ZNF595: variants seen among roughly 807,000 people sequenced by gnomAD.
The protein encoded by ZNF595 is zinc finger protein 595.
In ZNF595, 9 loss-of-function variants were observed where a neutral mutation model predicts 19.4. That is an observed-to-expected ratio of 0.46 (90% confidence interval 0.28 to 0.81). The LOEUF is 0.81. Ranked by LOEUF, ZNF595 falls within the 30% of genes least tolerant of loss-of-function variation. The pLI is 0.11. For missense variants in ZNF595, 729 were observed against 736.0 expected (o/e 0.99, Z 0.11); for synonymous variants, 255 against 255.9 (o/e 1.00, Z 0.03).
rs782065353 is a variant in ZNF595, at chr4:86,099, C to G, written c.595C>G (p.Pro199Ala). ...TACAGGAATTCATGCTGGAGAGAAA[C>G]CCTACAAATGTGAAAAATGTGGCAA... is the stretch of plus-strand genomic sequence containing the variant. ...QHTGIHAGEK[P>A]YKCEKCGKAF... The change falls in exon 4 of 4, where the codon CCC (proline) becomes GCC (alanine). Residue 199 changes from proline to alanine, a missense_variant. Transcript: ENST00000610261. The G allele has an allele frequency of 1.2e-5, 19 of 1,613,550 alleles. 1 individual carries two copies. In the South Asian group the frequency reaches 2.1e-4, roughly 18 times the overall value.
chr4:77,110 C>T (rs1382958395), intron 3 of ZNF595, among the ~76,000 whole-genome samples: 1 of 151,742 alleles, frequency 6.6e-6, no homozygotes, highest in Non-Finnish European at 1.5e-5. Flanking sequence ...GTATGTGGCC[C>T]AAATGCTTTA....
At chr4:74,405 T>C (rs73217968) in intron 3 of ZNF595, among the ~76,000 whole-genome samples, 2,097 of 152,332 alleles carry the variant, frequency 0.014, 23 homozygotes, top group Non-Finnish European at 0.018. Context: ...TTGTATTAAG[T>C]AGGGCAATAA....
chr4:87,609 T>G lies in ZNF595; in HGVS notation c.*158T>G, dbSNP rs1489368531. ...GTATCTATTCATGGCTTATTTGGAT[T>G]ATTTTGATACAGGCATATGACATGT... On this transcript the variant is annotated 3_prime_UTR_variant, in exon 4 of 4. Transcript: ENST00000610261. 4 of 576,178 alleles carry G rather than the reference T, an allele frequency of 6.9e-6. No individual in the cohort carries two copies. Among genetic ancestry groups the G allele is most frequent in the Non-Finnish European group, 1.1e-5 (4 of 357,888 alleles). 35.7% of individuals were successfully genotyped at this position (576,178 alleles called of 1,614,324 possible).
intron 3 of ZNF595, among the ~76,000 whole-genome samples, chr4:82,121 G>A (rs1345484181): frequency 1.3e-5 from 2 of 152,040 alleles, no homozygotes; most frequent in African/African-American, 4.8e-5. Flanking sequence ...GATATCATGA[G>A]CTGTGGTGCT....
At chr4:75,687 T>G (rs368697065) in intron 3 of ZNF595, among the ~76,000 whole-genome samples, 3 of 152,212 alleles carry the variant, frequency 2.0e-5, no homozygotes, top group Non-Finnish European at 4.4e-5. Context: ...TAGTAGTTTC[T>G]GTTTTGTAAT....
Position 88,020 on chromosome 4 carries a change from AC to A in ZNF595, c.*570del, listed in dbSNP as rs1428460767. 1 of 151,608 alleles carries A rather than the reference AC, an allele frequency of 6.6e-6. No homozygotes were observed. Among genetic ancestry groups the A allele is most frequent in the Non-Finnish European group, 1.5e-5 (1 of 68,008 alleles). The allele number at this position is 151,608 out of a possible 1,614,324, so 9.4% of individuals were successfully genotyped here. On this transcript the variant is annotated 3_prime_UTR_variant, in exon 4 of 4. Transcript: ENST00000610261. ...CGGGTGTGAGCCATCGTACCTGGCC[AC>A]TTTAATTATTTTTAAATGTGCAATT... is the stretch of plus-strand genomic sequence containing the variant.
chr4:72,478 T>C (rs1553798033), intron 3 of ZNF595, among the ~76,000 whole-genome samples: 1 of 152,226 alleles, frequency 6.6e-6, no homozygotes, highest in East Asian at 1.9e-4. Context: ...AACATCAGTT[T>C]CTTTTTTCTG....
intron 3 of ZNF595, among the ~76,000 whole-genome samples, chr4:75,598 A>C (rs539283833): frequency 2.6e-5 from 4 of 152,254 alleles, no homozygotes; most frequent in African/African-American, 7.2e-5. Flanking sequence ...TGGATAACTA[A>C]ATCTTTATAT....
chr4:84,798 C>T (rs1714065480), intron 3 of ZNF595, among the ~76,000 whole-genome samples: 2 of 152,194 alleles, frequency 1.3e-5, no homozygotes, highest in Admixed American at 6.5e-5. Context: ...TTAACGTTTT[C>T]ATCGATACCT....
chr4:74,087 C>T (rs1415250274), intron 3 of ZNF595, among the ~76,000 whole-genome samples: 1 of 152,040 alleles, frequency 6.6e-6, no homozygotes, highest in African/African-American at 2.4e-5. Context: ...GAGGGCAGAT[C>T]GCTTGAGCTC....
chr4:87,404 A>G lies in ZNF595; in HGVS notation c.1900A>G (p.Thr634Ala). 6.2e-7 allele frequency: 1 copy of G among 1,611,512 alleles called. No individual in the cohort carries two copies. Among genetic ancestry groups the G allele is most frequent in the Non-Finnish European group, 8.5e-7 (1 of 1,178,654 alleles). ...TGGCAAAGCTTTTAATCGGCCCTCA[A>G]CCCTTACTGTACACAAGCGAATTCA... Reference protein sequence around the residue: ...ECGKAFNRPSTLTVHKRIHTG... With the variant: ...ECGKAFNRPSALTVHKRIHTG... The change falls in exon 4 of 4, where the codon ACC (threonine) becomes GCC (alanine). Residue 634 changes from threonine (T) to alanine (A), a missense_variant. By Grantham distance (58) the Thr-to-Ala change is moderately conservative. Around this residue, in one of 2 missense-constraint regions of ZNF595, gnomAD observed 729 missense variants for 675.3 expected, o/e 1.08. Coordinates refer to ENST00000610261, the MANE Select transcript of ZNF595 (RefSeq NM_182524.4).
intron 3 of ZNF595, among the ~76,000 whole-genome samples, chr4:82,429 G>T (rs2187874): frequency 0.15 from 19,137 of 126,922 alleles, 1,717 homozygotes; most frequent in Admixed American, 0.27. Flanking sequence ...TGTTGCCCAA[G>T]CTGGAGTGCA....
At chr4:77,902 G>A (rs1553799039) in intron 3 of ZNF595, among the ~76,000 whole-genome samples, 1 of 152,170 alleles carries the variant, frequency 6.6e-6, no homozygotes, top group Admixed American at 6.5e-5. Context: ...CAGGCTCCTA[G>A]ATGAGCAGTA....
At position 86,073 on chromosome 4, in the gene ZNF595, A is replaced by G. The variant is rs1481912292; in HGVS notation, c.569A>G (p.His190Arg). The part of the protein sequence containing the change: ...RSFYMSHLTQ[H>R]TGIHAGEKPY... The stretch of plus-strand genomic sequence containing the variant: ...TTTTACATGTCACACCTAACTCAAC[A>G]TACAGGAATTCATGCTGGAGAGAAA... Residue 190 changes from histidine to arginine, a missense_variant, in exon 4 of 4, where the codon CAT (histidine) becomes CGT (arginine). This residue lies in a region of ZNF595 where 729 missense variants were observed against 675.3 expected (regional missense o/e 1.08). Transcript: ENST00000610261. 4 of 1,613,242 alleles carry G rather than the reference A, an allele frequency of 2.5e-6. No individual in the cohort carries two copies. The highest frequency in any genetic ancestry group is 3.4e-6 in the Non-Finnish European group (4 of 1,179,566).
chr4:83,724 A>G (rs551167997), intron 3 of ZNF595, among the ~76,000 whole-genome samples: 1 of 152,022 alleles, frequency 6.6e-6, no homozygotes, highest in Admixed American at 6.5e-5. Context: ...TTCCAATGCA[A>G]AGATTACTTC....
At chr4:76,341 T>G (rs1399627451) in intron 3 of ZNF595, among the ~76,000 whole-genome samples, 1 of 152,224 alleles carries the variant, frequency 6.6e-6, no homozygotes, top group Non-Finnish European at 1.5e-5. Context: ...AATCAAGCAG[T>G]TGTACTCCCT....
intron 3 of ZNF595, among the ~76,000 whole-genome samples, chr4:71,967 G>A (rs1182066210): frequency 6.6e-6 from 1 of 152,178 alleles, no homozygotes; most frequent in Non-Finnish European, 1.5e-5. Context: ...GCCCTTGGGA[G>A]GGTGGTCATT....
chr4:87,269 G>T lies in ZNF595; in HGVS notation c.1765G>T (p.Glu589Ter). 1 of 1,611,652 alleles carries T rather than the reference G, an allele frequency of 6.2e-7. No individual in the cohort carries two copies. Among genetic ancestry groups the T allele is most frequent in the Non-Finnish European group, 8.5e-7 (1 of 1,179,076 alleles). Residue 589 changes from glutamate to a stop codon, truncating the protein, a stop_gained, in exon 4 of 4, where the codon GAG (glutamate) becomes TAG (stop). Coordinates refer to ENST00000610261, the MANE Select transcript of ZNF595 (RefSeq NM_182524.4). LOFTEE classifies it high-confidence loss of function. ...TAAACATAAGAGAATTCATACTGGAGAGAAACCCTTCACATGTGAAGAATG... is the reference window on the plus strand; with the variant it reads ...TAAACATAAGAGAATTCATACTGGATAGAAACCCTTCACATGTGAAGAATG... Reference protein sequence around the residue: ...LTKHKRIHTGEKPFTCEECGK... With the variant: ...LTKHKRIHTG
Position 86,219 on chromosome 4 carries a change from C to T in ZNF595, c.715C>T (p.Arg239Trp), listed in dbSNP as rs887165839. ...TGAAGAATGTGGCAAAGCCTTTAGACGGTCCACAGTTCTGAACGAACATAA... is the reference window on the plus strand; with the variant it reads ...TGAAGAATGTGGCAAAGCCTTTAGATGGTCCACAGTTCTGAACGAACATAA... The part of the protein sequence containing the change: ...TCEECGKAFR[R>W]STVLNEHKKI... The change falls in exon 4 of 4, where the codon CGG becomes TGG. Residue 239 changes from arginine (R) to tryptophan (W), a missense_variant. Arg to Trp is a moderately radical substitution (Grantham distance 101). Coordinates refer to ENST00000610261, the MANE Select transcript of ZNF595 (RefSeq NM_182524.4). The T allele has an allele frequency of 6.0e-5, 97 of 1,610,612 alleles. No homozygotes were observed. Among genetic ancestry groups the T allele is most frequent in the East Asian group, 1.1e-4 (5 of 44,604 alleles).
Sources: gnomAD v4.1 joint callset for allele counts (sites outside exome capture counted in the v4.1 genomes callset) on GRCh38, gnomAD v4.1.1 for gene constraint, gnomAD v4.1.1 regional missense constraint, MANE v1.5 for transcripts, NCBI Gene and HGNC (gene_info 2026-07-23, HGNC 2026-07-21) for gene names.